IP6K3: variants seen among roughly 807,000 people sequenced by gnomAD.
The protein encoded by IP6K3 is inositol hexakisphosphate kinase 3.
In IP6K3, 20 loss-of-function variants were observed where a neutral mutation model predicts 28.8. That is an observed-to-expected ratio of 0.70 (90% CI 0.49 to 1.01). IP6K3 has a LOEUF of 1.01. Among genes scored for constraint, IP6K3 ranks in the 50% least tolerant of loss-of-function variants. The pLI, the probability that IP6K3 is intolerant of heterozygous loss-of-function variation, is 0.00. For missense variants in IP6K3, 480 were observed against 537.1 expected, an observed-to-expected ratio of 0.89 and a Z score of 1.05; for synonymous variants, 213 against 221.3, an observed-to-expected ratio of 0.96 and a Z score of 0.33.
rs919233270 is a variant in IP6K3, at chr6:33,746,803, C to T, written c.-225G>A. The T allele has an allele frequency of 6.6e-6, 1 of 152,344 alleles. No homozygotes were observed. The highest frequency in any genetic ancestry group is 2.4e-5 in the African/African-American group (1 of 41,448). 9.4% of individuals were successfully genotyped at this position (152,344 alleles called of 1,614,324 possible). On this transcript the variant is annotated 5_prime_UTR_variant, in exon 1 of 6. The change creates a premature stop within an existing upstream ORF in the 5' untranslated region. Transcript: ENST00000293756. This position sits in a 1 kb window ranked among gnomAD's most constrained non-coding sequence, Gnocchi z 6.5. ...TGGGGAGTGTATGGAAGGCAGGGCC[C>T]AGGAATCTTGTCTCTCAGTGCCCAC...
chr6:33,736,036 T>A (rs1766511225), intron 1 of IP6K3, among the ~76,000 whole-genome samples: 1 of 152,036 alleles, frequency 6.6e-6, no homozygotes, highest in Non-Finnish European at 1.5e-5. Context: ...CCAACTAATT[T>A]TATATTTTTT....
chr6:33,751,607 G>C (rs1267106502), upstream of IP6K3, among the ~76,000 whole-genome samples: 1 of 151,804 alleles, frequency 6.6e-6, no homozygotes, highest in South Asian at 2.1e-4. This position sits in a 1 kb window ranked among gnomAD's most constrained non-coding sequence, Gnocchi z 4.3. Flanking sequence ...GCAGAGGGCC[G>C]GCCCTGCCCT....
chr6:33,735,698 G>T, intron 1 of IP6K3, 43 bp from the exon 2 acceptor site: 2 of 1,176,602 alleles, frequency 1.7e-6, no homozygotes, highest in Non-Finnish European at 2.3e-6. Flanking sequence ...TGAGGGAGGT[G>T]GTGGCTGGGG....
upstream of IP6K3, among the ~76,000 whole-genome samples, chr6:33,748,729 G>T (rs2127369908): frequency 6.6e-6 from 1 of 151,334 alleles, no homozygotes; most frequent in South Asian, 2.1e-4. Flanking sequence ...GCTGCCTTCG[G>T]GTGGCTGAGC....
intron 5 of IP6K3, among the ~76,000 whole-genome samples, chr6:33,723,999 G>A (rs1174919567): frequency 6.6e-6 from 1 of 152,364 alleles, no homozygotes; most frequent in South Asian, 2.1e-4. Context: ...ATGGCCGGGG[G>A]GGGGTGGCAC....
Position 33,723,176 on chromosome 6 carries a change from T to TAAG in IP6K3, c.776_777insCTT (p.Thr259_Asp260insLeu). On this transcript the variant is annotated inframe_insertion, in exon 6 of 6. Transcript: ENST00000293756. ...CTTTGCAGAGAAAGTACTTCTTATC[T>TAAG]GTTTGATAAACCTTACATTAAAAAG... The TAAG allele has an allele frequency of 6.4e-7, 1 of 1,570,096 alleles. No individual in the cohort carries two copies. The highest frequency in any genetic ancestry group is 8.6e-7 in the Non-Finnish European group (1 of 1,158,344).
chr6:33,734,729 T>C (rs1367501856), intron 2 of IP6K3, among the ~76,000 whole-genome samples: 1 of 152,186 alleles, frequency 6.6e-6, no homozygotes, highest in African/African-American at 2.4e-5. Flanking sequence ...CCAAGACACA[T>C]GCTGCCCCAT....
At chr6:33,745,400 G>A (rs1029178660) in intron 1 of IP6K3, among the ~76,000 whole-genome samples, 3 of 152,172 alleles carry the variant, frequency 2.0e-5, no homozygotes, top group Admixed American at 1.3e-4. Context: ...GGCCCAGGAG[G>A]GGACAGGAGA....
intron 2 of IP6K3, among the ~76,000 whole-genome samples, chr6:33,733,660 C>T (rs927766836): frequency 6.6e-6 from 1 of 152,230 alleles, no homozygotes; most frequent in Non-Finnish European, 1.5e-5. Context: ...GAAGTGACCC[C>T]ACAACCAGCC....
rs189915219 is a variant in IP6K3 at position 33,729,678 on chromosome 6, G to T, written c.200-1378C>A. Among the ~76,000 whole-genome samples the T allele has an allele frequency of 2.6e-5, 4 of 152,168 alleles. No individual in the cohort carries two copies. In the East Asian group the frequency reaches 7.7e-4, roughly 29 times the overall value. On this transcript the variant is annotated intron_variant, in intron 2 of 5. Coordinates refer to ENST00000293756, the MANE Select transcript of IP6K3 (RefSeq NM_054111.5). Reference sequence around the variant, plus strand: ...GTCCCTGGTTGTACCCCTGAATCCTGCATATATTTCTGCAAACAGTTCCTT... The same window carrying T: ...GTCCCTGGTTGTACCCCTGAATCCTTCATATATTTCTGCAAACAGTTCCTT...
intron 2 of IP6K3, among the ~76,000 whole-genome samples, chr6:33,733,920 T>C (rs568573813): frequency 1.3e-5 from 2 of 152,332 alleles, no homozygotes; most frequent in East Asian, 3.9e-4. Context: ...TAAGAATTCC[T>C]GGCTGGGCGC....
chr6:33,730,572 CAG>C lies in IP6K3; in HGVS notation c.200-2274_200-2273del, dbSNP rs573182956. Among the ~76,000 whole-genome samples the C allele has an allele frequency of 1.2e-4, 19 of 152,348 alleles. No individual in the cohort carries two copies. The South Asian group carries it at 1.4e-3, about 12-fold the overall frequency. On this transcript the variant is annotated intron_variant, in intron 2 of 5. Transcript: ENST00000293756. The stretch of plus-strand genomic sequence containing the variant: ...CACTGTCGCTGTCCTGCTCGTGAGA[CAG>C]GGGCTGACGGCAGGTTGAGGAAGGA...
chr6:33,757,383 T>C, the IP6K3 span, among the ~76,000 whole-genome samples: 1 of 152,346 alleles, frequency 6.6e-6, no homozygotes, highest in Non-Finnish European at 1.5e-5. Flanking sequence ...CAGAGGCGCC[T>C]TGGTGCCACA....
intron 2 of IP6K3, among the ~76,000 whole-genome samples, chr6:33,732,502 C>T (rs1297678793): frequency 2.6e-5 from 4 of 152,234 alleles, no homozygotes; most frequent in Non-Finnish European, 5.9e-5. Flanking sequence ...GGCTAGATGA[C>T]CCCTGAACAC....
At chr6:33,727,822 G>A (rs1766172565) in intron 3 of IP6K3, 1 of 983,562 alleles carries the variant, frequency 1.0e-6, no homozygotes, top group African/African-American at 1.7e-5. Context: ...AAACAAATAT[G>A]TACTGAATAC....
rs1765912244 is a variant in IP6K3 at position 33,721,870 on chromosome 6, A to T, written c.*850T>A. The T allele has an allele frequency of 1.3e-5, 2 of 152,220 alleles. No individual in the cohort carries two copies. Among genetic ancestry groups the T allele is most frequent in the Non-Finnish European group, 2.9e-5 (2 of 67,962 alleles). 9.4% of individuals were successfully genotyped at this position (152,220 alleles called of 1,614,324 possible). ...TTCCTCCGTCCTCCAGGTTCTTCTG[A>T]CTCCCCAACCCACCCCCAAAATAAA... is the stretch of plus-strand genomic sequence containing the variant. On this transcript the variant is annotated 3_prime_UTR_variant, in exon 6 of 6. Coordinates refer to ENST00000293756, the MANE Select transcript of IP6K3 (RefSeq NM_054111.5).
intron 3 of IP6K3, among the ~76,000 whole-genome samples, chr6:33,727,520 TC>T (rs1766162187): frequency 6.6e-6 from 1 of 152,230 alleles, no homozygotes; most frequent in Non-Finnish European, 1.5e-5. Flanking sequence ...CCCTTTTGTT[TC>T]CCATAAATGT....
chr6:33,735,551 C>T lies in IP6K3; in HGVS notation c.-75G>A. The T allele has an allele frequency of 6.4e-7, 1 of 1,557,804 alleles. No individual in the cohort carries two copies. The highest frequency in any genetic ancestry group is 8.6e-7 in the Non-Finnish European group (1 of 1,158,076). ...GGTTTGAAGTAGAAAGGGCAGCTCC[C>T]AACAGCACACGGGGCTGTCAGCGGT... On this transcript the variant is annotated 5_prime_UTR_variant, in exon 2 of 6. Transcript: ENST00000293756.
the IP6K3 span, among the ~76,000 whole-genome samples, chr6:33,752,297 G>A: frequency 1.3e-5 from 2 of 152,204 alleles, no homozygotes; most frequent in African/African-American, 4.8e-5. Context: ...CTGGGGCCCC[G>A]CCCTGCCCAC....
Sources: allele counts gnomAD v4.1 joint callset (sites outside exome capture counted in the v4.1 genomes callset), GRCh38; gene constraint gnomAD v4.1.1; non-coding constraint Gnocchi (gnomAD v3.1); transcripts MANE v1.5; gene names NCBI Gene and HGNC (gene_info 2026-07-23, HGNC 2026-07-21).